The following LRP1B variants were observed in gnomAD, a reference collection of about 807,000 sequenced individuals.
LRP1B encodes low-density lipoprotein receptor-related protein 1B.
In LRP1B, 217 loss-of-function variants were observed where a neutral mutation model predicts 556.6. That is an observed-to-expected ratio of 0.39 (90% CI 0.35 to 0.44). LRP1B has a LOEUF of 0.44. Ranked by LOEUF, LRP1B falls within the 20% of genes least tolerant of loss-of-function variation. The probability of loss-of-function intolerance (pLI) is 1.00; values close to 1 mark genes in which losing one functional copy is unlikely to be tolerated. For missense variants in LRP1B, 5,053 were observed against 5,620.8 expected (o/e 0.90, Z 3.23); for synonymous variants, 2,047 against 1,865.8 (o/e 1.10, Z -2.50).
At position 140,495,590 on chromosome 2, in the gene LRP1B, G is replaced by A; in HGVS notation, c.9009C>T (p.Asn3003=). The change falls in exon 56 of 91, where the codon AAC becomes AAT. Residue 3003 remains asparagine (N), a synonymous_variant. Transcript: ENST00000389484. ...CTGAGAGCGATTTGCAGCCATTTGG[G>A]TTATCAGGTTGTATTTCATACCCAT... ...CTDGYEIQPD[N]PNGCKSLSDE... is the part of the protein sequence containing the mutation. 1.3e-6 allele frequency: 2 copies of A among 1,593,838 alleles called. No homozygotes were observed. Among genetic ancestry groups the A allele is most frequent in the Non-Finnish European group, 1.7e-6 (2 of 1,164,722 alleles).
chr2:141,928,107 A>G (rs1700386164), intron 1 of LRP1B, among the ~76,000 whole-genome samples: 2 of 152,072 alleles, frequency 1.3e-5, no homozygotes, highest in African/African-American at 4.8e-5. Context: ...GACAACATTG[A>G]CTACAGAAAA....
At chr2:141,536,913 C>T (rs573493212) in intron 2 of LRP1B, among the ~76,000 whole-genome samples, 2 of 152,030 alleles carry the variant, frequency 1.3e-5, no homozygotes, top group Admixed American at 6.6e-5. Context: ...GGAGGACACA[C>T]ATTTTTGAAA....
In LRP1B at chr2:141,008,124, TA is replaced by T. The variant is rs1162270560; in HGVS notation, c.2381-2668del. ...ATATTTTATGTAAAAATATCCTCTTTAAAACATGTTTAAGTAACTACAAATA... is the reference window on the plus strand; with the variant it reads ...ATATTTTATGTAAAAATATCCTCTTTAAACATGTTTAAGTAACTACAAATA... On this transcript the variant is annotated intron_variant, in intron 14 of 90. Coordinates refer to ENST00000389484, the MANE Select transcript of LRP1B (RefSeq NM_018557.3). Among the ~76,000 whole-genome samples, 5 of 151,452 alleles carry T rather than the reference TA, an allele frequency of 3.3e-5. No individual in the cohort carries two copies. In the East Asian group the frequency reaches 9.7e-4, roughly 29 times the overall value.
At chr2:140,283,816 T>G (rs576954498) in intron 84 of LRP1B, among the ~76,000 whole-genome samples, 102 of 151,934 alleles carry the variant, frequency 6.7e-4, no homozygotes, top group African/African-American at 2.4e-3. Flanking sequence ...AATTTTTGTT[T>G]ATAAACAGTG....
intron 35 of LRP1B, among the ~76,000 whole-genome samples, chr2:140,755,953 A>C (rs1447330945): frequency 6.6e-6 from 1 of 151,992 alleles, no homozygotes; most frequent in African/African-American, 2.4e-5. Context: ...TTGTATAGAG[A>C]AAATCCTAAG....
At chr2:141,480,370 T>C (rs2105089593) in intron 3 of LRP1B, 26 bp downstream of exon 3, 1 of 1,613,216 alleles carries the variant, frequency 6.2e-7, no homozygotes, top group Middle Eastern at 1.7e-4. Flanking sequence ...AATATTTCAG[T>C]TGCATTGTTC....
chr2:140,563,128 A>G (rs1240127612), intron 43 of LRP1B, among the ~76,000 whole-genome samples: 1 of 152,016 alleles, frequency 6.6e-6, no homozygotes, highest in Non-Finnish European at 1.5e-5. Context: ...AAAGTTTCCC[A>G]TATCTAATCC....
rs114776955 is a variant in LRP1B, at chr2:141,684,979, C to T, written c.205+125300G>A. ...GACTCTCAGGGCAGAGCTGCACTCC[C>T]AGGTGAGGTAGGCGAGAGCCACGCA... On this transcript the variant is annotated intron_variant, in intron 2 of 90. Transcript: ENST00000389484. Among the ~76,000 whole-genome samples, 937 of 152,174 alleles carry T rather than the reference C, an allele frequency of 6.2e-3. 14 individuals are homozygous for T. The highest frequency in any genetic ancestry group is 0.022 in the African/African-American group (896 of 41,546).
Position 140,851,559 on chromosome 2 carries a change from C to T in LRP1B, c.4711+93G>A, listed in dbSNP as rs186362266. 1.1e-3 allele frequency: 1,591 copies of T among 1,437,828 alleles called. 1 individual carries two copies. The highest frequency in any genetic ancestry group is 1.4e-3 in the Non-Finnish European group (1,440 of 1,061,170). 89.1% of individuals were successfully genotyped at this position (1,437,828 alleles called of 1,614,324 possible). A position where few individuals can be genotyped will look rare whatever the true frequency, so the allele number is the denominator to read the frequency against. On this transcript the variant is annotated intron_variant, in intron 28 of 90. Coordinates refer to ENST00000389484, the MANE Select transcript of LRP1B (RefSeq NM_018557.3). ...TTTTGAAAACAGAAAAAAAAACTTC[C>T]TCTGCTTTAATATGAGTAAAATCTG...
rs1680087455 is a variant in LRP1B, at chr2:141,420,193, T to C, written c.343+60203A>G. The stretch of plus-strand genomic sequence containing the variant: ...CTTCAAATATTTGGGTGCTCTGATG[T>C]TGGACACATACACATTTATAATTGT... On this transcript the variant is annotated intron_variant, in intron 3 of 90. Coordinates refer to ENST00000389484, the MANE Select transcript of LRP1B (RefSeq NM_018557.3). Among the ~76,000 whole-genome samples, 3 of 152,230 alleles carry C rather than the reference T, an allele frequency of 2.0e-5. 1 individual carries two copies. Among genetic ancestry groups the C allele is most frequent in the South Asian group, 4.1e-4 (2 of 4,834 alleles).
rs1699667848 is a variant in LRP1B, at chr2:141,903,113, GA to G, written c.83-92713del. On this transcript the variant is annotated intron_variant, in intron 1 of 90. Transcript: ENST00000389484. ...CAATGTTAACTAGCTGATAAAAGAT[GA>G]AAAAAAGTTCCTAATTATAGTAATG... Among the ~76,000 whole-genome samples, 12 of 147,944 alleles carry G rather than the reference GA, an allele frequency of 8.1e-5. No homozygotes were observed. The South Asian group carries it at 2.6e-3, about 32-fold the overall frequency.
intron 15 of LRP1B, among the ~76,000 whole-genome samples, chr2:141,001,633 T>G (rs1697427201): frequency 6.6e-6 from 1 of 152,040 alleles, no homozygotes; most frequent in African/African-American, 2.4e-5. Flanking sequence ...GGAGATCCTT[T>G]GCTCCTGCGG....
chr2:141,463,111 C>A (rs1681949372), intron 3 of LRP1B, among the ~76,000 whole-genome samples: 1 of 152,264 alleles, frequency 6.6e-6, no homozygotes, highest in Non-Finnish European at 1.5e-5. Flanking sequence ...ACTGAGAATC[C>A]TGAGGCAGTT....
intron 2 of LRP1B, among the ~76,000 whole-genome samples, chr2:141,770,600 A>G (rs1186772867): frequency 6.6e-6 from 1 of 152,174 alleles, no homozygotes; most frequent in Non-Finnish European, 1.5e-5. Context: ...TTCTCTGAAC[A>G]TGTTCTCTTT....
intron 32 of LRP1B, among the ~76,000 whole-genome samples, chr2:140,800,402 TA>T (rs895189406): frequency 7.9e-5 from 12 of 151,788 alleles, no homozygotes; most frequent in Non-Finnish European, 1.5e-4. Context: ...GTATAATAAT[TA>T]AAAAAAAGTT....
intron 1 of LRP1B, among the ~76,000 whole-genome samples, chr2:142,041,026 T>A (rs1369309535): frequency 6.6e-6 from 1 of 151,490 alleles, no homozygotes; most frequent in Non-Finnish European, 1.5e-5. Context: ...ACTTGAATGT[T>A]TCAGCAATTC....
rs779012955 is a variant in LRP1B, at chr2:140,701,776, G to A, written c.6372C>T (p.Thr2124=). 22 of 1,612,936 alleles carry A rather than the reference G, an allele frequency of 1.4e-5. No homozygotes were observed. The highest frequency in any genetic ancestry group is 8.4e-5 in the Admixed American group (5 of 59,850). ...NDATETITMR[T]GLGVNLKEVK... is the part of the protein sequence containing the mutation. ...CCTCCTTCAGGTTGACTCCAAGGCC[G>A]GTTCTCATGGTTATCGTTTCTGTGG... The change falls in exon 40 of 91, where the codon ACC becomes ACT. Residue 2124 remains threonine (T), a synonymous_variant. Transcript: ENST00000389484.
At chr2:141,465,793 G>A (rs138969155) in intron 3 of LRP1B, among the ~76,000 whole-genome samples, 93 of 152,202 alleles carry the variant, frequency 6.1e-4, no homozygotes, top group African/African-American at 2.0e-3. Flanking sequence ...CCATCTGCTC[G>A]CCTCAGCCTC....
intron 2 of LRP1B, among the ~76,000 whole-genome samples, chr2:141,511,364 C>A (rs116242027): frequency 6.6e-6 from 1 of 152,076 alleles, no homozygotes; most frequent in African/African-American, 2.4e-5. Flanking sequence ...ACATCCTAAC[C>A]GGTGAAGGAT....
Sources: allele counts gnomAD v4.1 joint callset (sites outside exome capture counted in the v4.1 genomes callset), GRCh38; gene constraint gnomAD v4.1.1; transcripts MANE v1.5; gene names NCBI Gene and HGNC (gene_info 2026-07-23, HGNC 2026-07-21).